Variants in PPFIA2 observed in about 807,000 individuals in gnomAD.
PPFIA2 encodes liprin-alpha-2.
Under a neutral mutation model 175.5 loss-of-function variants are expected in PPFIA2, and 46 were observed. The ratio of observed to expected loss-of-function variants is 0.26; its 90% confidence interval spans 0.21 to 0.34. The LOEUF is 0.34. Ranked by LOEUF, PPFIA2 falls within the 10% of genes least tolerant of loss-of-function variation. The probability of loss-of-function intolerance (pLI) is 1.00; values close to 1 mark genes in which losing one functional copy is unlikely to be tolerated. For synonymous variants in PPFIA2, 568 were observed against 511.4 expected, an observed-to-expected ratio of 1.11 and a Z score of -1.49; for missense variants, 1,179 against 1,506.1, an observed-to-expected ratio of 0.78 and a Z score of 3.60.
At chr12:81,647,816 AAAATATAT>A (rs1177974386) in intron 4 of PPFIA2, among the ~76,000 whole-genome samples, 1 of 142,522 alleles carries the variant, frequency 7.0e-6, no homozygotes, top group Admixed American at 7.4e-5. Context: ...TATATACTAT[AAAATATAT>A]AGTATATATA....
chr12:81,611,554 G>T (rs1662335690), intron 4 of PPFIA2, among the ~76,000 whole-genome samples: 1 of 152,132 alleles, frequency 6.6e-6, no homozygotes, highest in East Asian at 1.9e-4. Flanking sequence ...AGGCTGTGGG[G>T]TGCACCCACT....
At chr12:81,400,098 T>C (rs1370336241) in intron 8 of PPFIA2, among the ~76,000 whole-genome samples, 1 of 152,162 alleles carries the variant, frequency 6.6e-6, no homozygotes, top group Non-Finnish European at 1.5e-5. Context: ...TTGTGATAAA[T>C]GATGTTTATT....
At chr12:81,728,688 A>T (rs2080428144) in intron 3 of PPFIA2, among the ~76,000 whole-genome samples, 1 of 151,524 alleles carries the variant, frequency 6.6e-6, no homozygotes, top group Admixed American at 6.6e-5. Flanking sequence ...TTGCAGAACC[A>T]AGAAAAAATA....
At chr12:81,473,555 A>G (rs2057063855) in intron 4 of PPFIA2, among the ~76,000 whole-genome samples, 1 of 152,216 alleles carries the variant, frequency 6.6e-6, no homozygotes, top group Non-Finnish European at 1.5e-5. Context: ...CCTTCGCCTG[A>G]GACATGAAAT....
intron 7 of PPFIA2, among the ~76,000 whole-genome samples, chr12:81,424,338 T>TACTTTA (rs2144025475): frequency 6.6e-6 from 1 of 152,276 alleles, no homozygotes; most frequent in African/African-American, 2.4e-5. Context: ...TGGGATTTGC[T>TACTTTA]ACTTTAGCTA....
intron 4 of PPFIA2, among the ~76,000 whole-genome samples, chr12:81,499,816 T>TA (rs978625216): frequency 9.5e-5 from 14 of 147,272 alleles, no homozygotes; most frequent in Non-Finnish European, 1.5e-4. Flanking sequence ...CAGTGCTTCC[T>TA]AAAAAAAAAA....
intron 4 of PPFIA2, among the ~76,000 whole-genome samples, chr12:81,459,440 A>G (rs1221822873): frequency 2.6e-5 from 4 of 152,166 alleles, no homozygotes; most frequent in African/African-American, 4.8e-5. Context: ...CTAAGATAAA[A>G]CATAACATCT....
At chr12:81,570,354 A>C (rs1015512003) in intron 4 of PPFIA2, among the ~76,000 whole-genome samples, 1 of 152,116 alleles carries the variant, frequency 6.6e-6, no homozygotes, top group Non-Finnish European at 1.5e-5. Flanking sequence ...AATCCACACT[A>C]AAGTTTTTTT....
At chr12:81,505,252 C>T (rs887646825) in intron 4 of PPFIA2, among the ~76,000 whole-genome samples, 68 of 150,000 alleles carry the variant, frequency 4.5e-4, no homozygotes, top group Admixed American at 1.1e-3. Flanking sequence ...CACATGTATC[C>T]CAGAACTTAA....
intron 4 of PPFIA2, among the ~76,000 whole-genome samples, chr12:81,555,028 T>G (rs945237948): frequency 2.0e-5 from 3 of 151,970 alleles, no homozygotes; most frequent in African/African-American, 7.2e-5. Context: ...GTTTATTGCA[T>G]TTACAACAGC....
chr12:81,552,912 C>G (rs1012362689), intron 4 of PPFIA2, among the ~76,000 whole-genome samples: 1 of 152,046 alleles, frequency 6.6e-6, no homozygotes, highest in African/African-American at 2.4e-5. Context: ...GTAATGTAGC[C>G]TATTAAAAAT....
At chr12:81,466,629 T>G (rs949877607) in intron 4 of PPFIA2, among the ~76,000 whole-genome samples, 6 of 152,074 alleles carry the variant, frequency 3.9e-5, no homozygotes, top group African/African-American at 1.4e-4. Flanking sequence ...TTAGGCTTTC[T>G]TTGACAATAG....
At chr12:81,463,909 A>G (rs1276550997) in intron 4 of PPFIA2, among the ~76,000 whole-genome samples, 3 of 152,102 alleles carry the variant, frequency 2.0e-5, no homozygotes, top group Non-Finnish European at 4.4e-5. Context: ...TGAAAGTATC[A>G]TTTCTTATAC....
chr12:81,475,333 A>G (rs981172423), intron 4 of PPFIA2, among the ~76,000 whole-genome samples: 38 of 152,364 alleles, frequency 2.5e-4, no homozygotes, highest in African/African-American at 8.9e-4. Context: ...AAGTAAAAAT[A>G]AGAACAAAAA....
At chr12:81,717,495 G>T (rs947828290) in intron 3 of PPFIA2, among the ~76,000 whole-genome samples, 17 of 151,492 alleles carry the variant, frequency 1.1e-4, no homozygotes, top group Non-Finnish European at 1.5e-5. Context: ...AAGTGAAGAG[G>T]GTAAAGGTGC....
At chr12:81,655,432 ATATAT>A (rs1223534623) in intron 4 of PPFIA2, among the ~76,000 whole-genome samples, 3 of 151,598 alleles carry the variant, frequency 2.0e-5, no homozygotes, top group East Asian at 1.9e-4. Flanking sequence ...ATTTTTAAAA[ATATAT>A]TATAAATTTC....
chr12:81,759,311 C>T lies in PPFIA2; in HGVS notation c.-142G>A, dbSNP rs11115002. The stretch of plus-strand genomic sequence containing the variant: ...GCAGCCGGTGAGGACGCTACAGCAT[C>T]TTCTCTCCTCACTTGCCTCGTGCGG... On this transcript the variant is annotated 5_prime_UTR_variant, in exon 1 of 33. Transcript: ENST00000549396. The T allele has an allele frequency of 0.17, 25,908 of 151,860 alleles. 2,697 individuals are homozygous for T. The highest frequency in any genetic ancestry group is 0.29 in the Middle Eastern group (84 of 294). 9.4% of individuals were successfully genotyped at this position (151,860 alleles called of 1,614,324 possible).
intron 4 of PPFIA2, among the ~76,000 whole-genome samples, chr12:81,565,205 A>G (rs1445544082): frequency 1.3e-5 from 2 of 152,128 alleles, no homozygotes; most frequent in Non-Finnish European, 2.9e-5. Flanking sequence ...GTGCTGCCTG[A>G]GGCAACAGTG....
At chr12:81,362,581 A>G (rs1792042614) in intron 15 of PPFIA2, 112 bp downstream of exon 15, 1 of 589,924 alleles carries the variant, frequency 1.7e-6, no homozygotes. Flanking sequence ...CATGATAATG[A>G]CTAGTGAGCA....
Sources: allele counts gnomAD v4.1 joint callset (sites outside exome capture counted in the v4.1 genomes callset), GRCh38; gene constraint gnomAD v4.1.1; transcripts MANE v1.5; gene names NCBI Gene and HGNC (gene_info 2026-07-23, HGNC 2026-07-21).